Variants in KDELR2 observed in about 807,000 individuals in gnomAD.
The protein encoded by KDELR2 is ER lumen protein-retaining receptor 2.
Under a neutral mutation model 23.9 loss-of-function variants are expected in KDELR2, and 15 were observed. The ratio of observed to expected loss-of-function variants is 0.63; its 90% confidence interval spans 0.42 to 0.97. KDELR2 has a LOEUF of 0.97. KDELR2 is among the 50% of genes least tolerant of loss of function. KDELR2 has a pLI of 0.00. For missense variants in KDELR2, 272 were observed against 254.6 expected, an observed-to-expected ratio of 1.07 and a Z score of -0.46; for synonymous variants, 119 against 106.2, an observed-to-expected ratio of 1.12 and a Z score of -0.74.
At position 6,461,926 on chromosome 7, in the gene KDELR2, A is replaced by C. The variant is rs1166404676; in HGVS notation, c.*1215T>G. 1.3e-5 allele frequency: 2 copies of C among 152,192 alleles called. No homozygotes were observed. The highest frequency in any genetic ancestry group is 4.8e-5 in the African/African-American group (2 of 41,454). 9.4% of individuals were successfully genotyped at this position (152,192 alleles called of 1,614,324 possible). A position where few individuals can be genotyped will look rare whatever the true frequency, so the allele number is the denominator to read the frequency against. On this transcript the variant is annotated 3_prime_UTR_variant, in exon 5 of 5. Coordinates refer to ENST00000258739, the MANE Select transcript of KDELR2 (RefSeq NM_006854.4). ...CTTACAGATGATTATGTGAACTTTA[A>C]ATGTCTGCAGCCCTACAGAGCTTTT...
chr7:6,474,324 G>A (rs1462069519), intron 1 of KDELR2, 40 bp from the exon 2 acceptor site: 2 of 1,379,550 alleles, frequency 1.4e-6, no homozygotes, highest in Non-Finnish European at 2.1e-6. Context: ...GGCCTGAAGA[G>A]CTTTGGGATT....
At chr7:6,465,572 A>C (rs1016564777) in intron 4 of KDELR2, among the ~76,000 whole-genome samples, 1 of 152,218 alleles carries the variant, frequency 6.6e-6, no homozygotes, top group Admixed American at 6.5e-5. Context: ...ATGCAAAAAC[A>C]CATATACACA....
intron 4 of KDELR2, 54 bp downstream of exon 4, chr7:6,466,017 C>A: frequency 1.3e-6 from 2 of 1,587,214 alleles, no homozygotes; most frequent in Non-Finnish European, 1.7e-6. Context: ...TGGGCAAGGG[C>A]ACTCCTAAAA....
chr7:6,464,876 C>T (rs1390408639), intron 4 of KDELR2, among the ~76,000 whole-genome samples: 1 of 151,678 alleles, frequency 6.6e-6, no homozygotes, highest in Non-Finnish European at 1.5e-5. Context: ...GCTGGGATTA[C>T]AGGCCATGTG....
intron 1 of KDELR2, among the ~76,000 whole-genome samples, chr7:6,476,300 GTGAATCTGCTCTTAGTCTTT>G (rs1378114554): frequency 2.5e-5 from 1 of 40,214 alleles, no homozygotes; most frequent in African/African-American, 1.0e-4. Flanking sequence ...GACACGGACA[GTGAATCTGCTCTTAGTCTTT>G]TCCCCGTAAC....
At chr7:6,481,904 C>T (rs1047348982) in intron 1 of KDELR2, among the ~76,000 whole-genome samples, 11 of 152,118 alleles carry the variant, frequency 7.2e-5, no homozygotes, top group Non-Finnish European at 1.5e-5. Context: ...CTAATTTATT[C>T]CACTCCCTAA....
intron 2 of KDELR2, among the ~76,000 whole-genome samples, chr7:6,472,738 G>A (rs1785676521): frequency 6.6e-6 from 1 of 152,070 alleles, no homozygotes; most frequent in African/African-American, 2.4e-5. Flanking sequence ...TTGTTTAGGT[G>A]CCATACCAAT....
intron 4 of KDELR2, among the ~76,000 whole-genome samples, chr7:6,463,767 A>C (rs1380340105): frequency 1.3e-5 from 2 of 151,458 alleles, no homozygotes; most frequent in South Asian, 2.1e-4. Context: ...AAAAAAAAAA[A>C]ACACAAAGGA....
intron 2 of KDELR2, among the ~76,000 whole-genome samples, chr7:6,472,050 G>A (rs1583318314): frequency 6.6e-6 from 1 of 152,134 alleles, no homozygotes; most frequent in African/African-American, 2.4e-5. Flanking sequence ...ACAGGCGCAT[G>A]CCGCCACACC....
At chr7:6,463,282 G>A (rs1458707400) in intron 4 of KDELR2, 107 bp from the exon 5 acceptor site, 17 of 824,550 alleles carry the variant, frequency 2.1e-5, no homozygotes, top group Non-Finnish European at 2.9e-5. Flanking sequence ...ATTCTACATA[G>A]TAAGGTATAG....
At chr7:6,463,599 G>T (rs1015514996) in intron 4 of KDELR2, among the ~76,000 whole-genome samples, 2 of 151,904 alleles carry the variant, frequency 1.3e-5, no homozygotes, top group African/African-American at 4.8e-5. Context: ...AAAGAACCAG[G>T]TGTGGTGGCA....
At chr7:6,469,886 C>T (rs1009454966) in intron 2 of KDELR2, 132 bp from the exon 3 acceptor site, 10 of 732,618 alleles carry the variant, frequency 1.4e-5, no homozygotes, top group Non-Finnish European at 2.1e-5. Flanking sequence ...AATTTTAAAA[C>T]TTAAATATAG....
At chr7:6,469,165 T>G (rs536622070) in intron 3 of KDELR2, among the ~76,000 whole-genome samples, 52 of 150,032 alleles carry the variant, frequency 3.5e-4, no homozygotes, top group Non-Finnish European at 5.2e-4. Flanking sequence ...TGTTAGCCAG[T>G]ATAGTCTCGA....
At chr7:6,466,370 G>T in intron 3 of KDELR2, 47 bp from the exon 4 acceptor site, 1 of 1,596,852 alleles carries the variant, frequency 6.3e-7, no homozygotes, top group Non-Finnish European at 8.5e-7. Flanking sequence ...TGCCCACCAG[G>T]AGCTCAGAGG....
At position 6,466,746 on chromosome 7, in the gene KDELR2, G is replaced by C. The variant is rs76644135; in HGVS notation, c.352-423C>G. Among the ~76,000 whole-genome samples, 279 of 151,768 alleles carry C rather than the reference G, an allele frequency of 1.8e-3. 1 individual carries two copies. Among genetic ancestry groups the C allele is most frequent in the African/African-American group, 6.4e-3 (266 of 41,394 alleles). ...GACAGTGACAGATCATCAGGCATTA[G>C]ATTTTCATAAGGAGCATGCAACCTA... On this transcript the variant is annotated intron_variant, in intron 3 of 4. Coordinates refer to ENST00000258739, the MANE Select transcript of KDELR2 (RefSeq NM_006854.4).
chr7:6,470,934 G>A (rs929025416), intron 2 of KDELR2, among the ~76,000 whole-genome samples: 2 of 151,738 alleles, frequency 1.3e-5, no homozygotes, highest in Non-Finnish European at 2.9e-5. Flanking sequence ...CTAACATGGT[G>A]AAACCCTATC....
intron 1 of KDELR2, among the ~76,000 whole-genome samples, chr7:6,478,997 C>A (rs112208347): frequency 0.014 from 2,153 of 152,076 alleles, 56 homozygotes; most frequent in African/African-American, 0.05. Flanking sequence ...ACCATATTGG[C>A]CAAGCTGGTC....
chr7:6,484,024 G>A lies in KDELR2; in HGVS notation c.34C>T (p.His12Tyr), dbSNP rs1785976222. Residue 12 changes from histidine to tyrosine, a missense_variant, in exon 1 of 5, where the codon CAC becomes TAC. Coordinates refer to ENST00000258739, the MANE Select transcript of KDELR2 (RefSeq NM_006854.4). ...AGCAGGATGACGATGGCCGCCAGGTGGGACAGGTCCCCAGTCAGCCGGAAA... is the reference window on the plus strand; with the variant it reads ...AGCAGGATGACGATGGCCGCCAGGTAGGACAGGTCCCCAGTCAGCCGGAAA... ...NIFRLTGDLS[H>Y]LAAIVILLLK... 2.6e-6 allele frequency: 4 copies of A among 1,526,466 alleles called. No individual in the cohort carries two copies. The highest frequency in any genetic ancestry group is 3.5e-6 in the Non-Finnish European group (4 of 1,134,414). The allele number at this position is 1,526,466 out of a possible 1,614,324, so 94.6% of individuals were successfully genotyped here.
At position 6,466,089 on chromosome 7, in the gene KDELR2, A is replaced by G; in HGVS notation, c.586T>C (p.Tyr196His). 1 of 1,614,160 alleles carries G rather than the reference A, an allele frequency of 6.2e-7. No individual in the cohort carries two copies. The change falls in exon 4 of 5, where the codon TAC becomes CAC. Residue 196 changes from tyrosine (Y) to histidine (H), a missense_variant. By Grantham distance (83) the Tyr-to-His change is moderately conservative. Coordinates refer to ENST00000258739, the MANE Select transcript of KDELR2 (RefSeq NM_006854.4). ...VQTILYCDFF[Y>H]LYITKVLKGK... is the part of the protein sequence containing the mutation. ...AACATACCTTTTGTAATGTACAAGTAGAAGAAGTCACAGTATAGGATGGTC... is the reference window on the plus strand; with the variant it reads ...AACATACCTTTTGTAATGTACAAGTGGAAGAAGTCACAGTATAGGATGGTC...
Sources: gnomAD v4.1 joint callset for allele counts (sites outside exome capture counted in the v4.1 genomes callset) on GRCh38, gnomAD v4.1.1 for gene constraint, MANE v1.5 for transcripts, NCBI Gene and HGNC (gene_info 2026-07-23, HGNC 2026-07-21) for gene names.